Variants in PAPPA2 observed in about 807,000 individuals in gnomAD.
The protein encoded by PAPPA2 is pappalysin-2.
In PAPPA2, 86 loss-of-function variants were observed where a neutral mutation model predicts 176.4. The ratio of observed to expected loss-of-function variants is 0.49; its 90% CI spans 0.41 to 0.58. The LOEUF is 0.58. PAPPA2 is among the 20% of genes least tolerant of loss of function. PAPPA2 has a pLI of 0.00. For synonymous variants in PAPPA2, 809 were observed against 852.2 expected (o/e 0.95, Z 0.88); for missense variants, 2,073 against 2,256.9 (o/e 0.92, Z 1.65).
chr1:176,840,048 C>T, intron 21 of PAPPA2, 125 bp from the exon 22 acceptor site: 1 of 722,018 alleles, frequency 1.4e-6, no homozygotes, highest in Non-Finnish European at 2.3e-6. Flanking sequence ...TTGTGTCCTG[C>T]ACCTTGGGTG....
At chr1:176,686,960 A>T (rs2102799535) in intron 4 of PAPPA2, among the ~76,000 whole-genome samples, 1 of 152,340 alleles carries the variant, frequency 6.6e-6, no homozygotes, top group African/African-American at 2.4e-5. Flanking sequence ...GTGTTCTAGC[A>T]GACATAGAAT....
chr1:176,722,419 C>CTTTTTTTTTTTTTTTTTTTTTTTT (rs34221424), intron 12 of PAPPA2, among the ~76,000 whole-genome samples: 1 of 124,032 alleles, frequency 8.1e-6, no homozygotes, highest in African/African-American at 3.2e-5. Flanking sequence ...TATACATTTC[C>CTTTTTTTTTTTTTTTTTTTTTTTT]TTTTTTTTTT....
chr1:176,627,910 T>A (rs565062798), intron 3 of PAPPA2, among the ~76,000 whole-genome samples: 1 of 152,270 alleles, frequency 6.6e-6, no homozygotes, highest in East Asian at 1.9e-4. Context: ...ATTAAGGTAA[T>A]CAGTTGAGGA....
At position 176,556,650 on chromosome 1, in the gene PAPPA2, G is replaced by A. The variant is rs776744691; in HGVS notation, c.328G>A (p.Asp110Asn). Reference protein sequence around the residue: ...EGNAVSLVPPDLTENPAGLRG... With the variant: ...EGNAVSLVPPNLTENPAGLRG... The stretch of plus-strand genomic sequence containing the variant: ...AAATGCTGTGAGCCTTGTTCCCCCA[G>A]ACCTGACTGAAAATCCAGCAGGACT... Residue 110 changes from aspartate to asparagine, a missense_variant, in exon 2 of 23, where the codon GAC (aspartate) becomes AAC (asparagine). Physicochemically the swap from Asp to Asn is conservative, Grantham distance 23. Around this residue, in one of 4 missense-constraint regions of PAPPA2, gnomAD observed 1,196 missense variants for 1,330.4 expected, o/e 0.90. Transcript: ENST00000367662. 9.9e-6 allele frequency: 16 copies of A among 1,614,192 alleles called. No homozygotes were observed. The highest frequency in any genetic ancestry group is 1.3e-5 in the Non-Finnish European group (15 of 1,180,018).
intron 1 of PAPPA2, among the ~76,000 whole-genome samples, chr1:176,478,180 C>T (rs939684510): frequency 6.6e-6 from 1 of 152,178 alleles, no homozygotes; most frequent in Non-Finnish European, 1.5e-5. Context: ...ATCAAAGGTG[C>T]TTTATTTTCA....
chr1:176,716,623 G>GT (rs1661388632), intron 12 of PAPPA2, among the ~76,000 whole-genome samples: 1 of 71,156 alleles, frequency 1.4e-5, no homozygotes, highest in Non-Finnish European at 2.8e-5. Context: ...TTTTTTTTTT[G>GT]TTTTTTGAGA....
At chr1:176,688,815 C>T (rs971994179) in intron 4 of PAPPA2, among the ~76,000 whole-genome samples, 4 of 152,140 alleles carry the variant, frequency 2.6e-5, no homozygotes, top group Non-Finnish European at 4.4e-5. Flanking sequence ...GTGGGTGTAG[C>T]GCCAGATACC....
intron 1 of PAPPA2, among the ~76,000 whole-genome samples, chr1:176,510,810 TACAC>T (rs200808228): frequency 0.072 from 9,088 of 126,470 alleles, 319 homozygotes; most frequent in African/African-American, 0.087. Context: ...AAGCAACACA[TACAC>T]ACACACACAC....
intron 3 of PAPPA2, among the ~76,000 whole-genome samples, chr1:176,624,509 G>T (rs1420224476): frequency 6.6e-6 from 1 of 152,148 alleles, no homozygotes; most frequent in African/African-American, 2.4e-5. Flanking sequence ...GGTTAGCAAG[G>T]TACTTAAGAC....
chr1:176,504,109 C>T (rs1648115734), intron 1 of PAPPA2, among the ~76,000 whole-genome samples: 1 of 152,034 alleles, frequency 6.6e-6, no homozygotes, highest in Non-Finnish European at 1.5e-5. Context: ...TATCTTTACC[C>T]TCTATGACAT....
intron 14 of PAPPA2, among the ~76,000 whole-genome samples, chr1:176,764,748 A>C (rs981239041): frequency 6.6e-5 from 10 of 152,172 alleles, no homozygotes; most frequent in African/African-American, 2.2e-4. Flanking sequence ...AGGTGCCTGC[A>C]ACCACATCCG....
At chr1:176,584,128 T>C (rs1190982748) in intron 2 of PAPPA2, among the ~76,000 whole-genome samples, 1 of 152,214 alleles carries the variant, frequency 6.6e-6, no homozygotes, top group East Asian at 1.9e-4. Flanking sequence ...AAAGAATGTG[T>C]ATTCTGCAGC....
chr1:176,624,836 A>G (rs1655915749), intron 3 of PAPPA2, among the ~76,000 whole-genome samples: 1 of 152,190 alleles, frequency 6.6e-6, no homozygotes, highest in Admixed American at 6.5e-5. Flanking sequence ...GTGAAGAGAA[A>G]GAGAACTTGT....
At chr1:176,544,065 G>A (rs558412070) in intron 1 of PAPPA2, among the ~76,000 whole-genome samples, 1 of 152,274 alleles carries the variant, frequency 6.6e-6, no homozygotes, top group African/African-American at 2.4e-5. Context: ...TTAGATCAGA[G>A]GGCATTTCCC....
At chr1:176,488,192 TA>T (rs1158400205) in intron 1 of PAPPA2, among the ~76,000 whole-genome samples, 1 of 152,172 alleles carries the variant, frequency 6.6e-6, no homozygotes, top group Non-Finnish European at 1.5e-5. Context: ...TTTTATTTTT[TA>T]TTTTTTTTAA....
At chr1:176,570,333 G>A (rs1573056746) in intron 2 of PAPPA2, among the ~76,000 whole-genome samples, 1 of 152,240 alleles carries the variant, frequency 6.6e-6, no homozygotes, top group African/African-American at 2.4e-5. Flanking sequence ...TGTGTTTATA[G>A]ACAGTTCCTA....
intron 14 of PAPPA2, among the ~76,000 whole-genome samples, chr1:176,763,220 A>AGAC: frequency 6.6e-6 from 1 of 152,324 alleles, no homozygotes; most frequent in East Asian, 1.9e-4. Context: ...TGATGACAAG[A>AGAC]TTCATAGTAG....
intron 3 of PAPPA2, among the ~76,000 whole-genome samples, chr1:176,603,230 G>A (rs2102664783): frequency 6.6e-6 from 1 of 152,338 alleles, no homozygotes; most frequent in Admixed American, 6.5e-5. Flanking sequence ...ATGCCAATCT[G>A]TTTCAGATGA....
chr1:176,655,570 A>G (rs1657987817), intron 3 of PAPPA2, among the ~76,000 whole-genome samples: 1 of 151,878 alleles, frequency 6.6e-6, no homozygotes, highest in Non-Finnish European at 1.5e-5. Context: ...AATCCACAAT[A>G]AGATGCCATC....
Sources: gnomAD v4.1 joint callset for allele counts (sites outside exome capture counted in the v4.1 genomes callset) on GRCh38, gnomAD v4.1.1 for gene constraint, gnomAD v4.1.1 regional missense constraint, MANE v1.5 for transcripts, NCBI Gene and HGNC (gene_info 2026-07-23, HGNC 2026-07-21) for gene names.